Variants in NELL1 observed in about 807,000 individuals in gnomAD.
NELL1 encodes protein kinase C-binding protein NELL1.
In NELL1, 76 loss-of-function variants were observed where a neutral mutation model predicts 107.4. The ratio of observed to expected loss-of-function variants is 0.71; its 90% CI spans 0.59 to 0.86. The LOEUF (loss-of-function observed/expected upper bound fraction) is 0.86. NELL1 is among the 40% of genes least tolerant of loss of function. NELL1 has a pLI of 0.00. For synonymous variants in NELL1, 353 were observed against 341.2 expected, an observed-to-expected ratio of 1.03 and a Z score of -0.38; for missense variants, 1,024 against 1,005.5, an observed-to-expected ratio of 1.02 and a Z score of -0.25.
chr11:21,564,744 T>G (rs1485568106), intron 17 of NELL1, among the ~76,000 whole-genome samples: 1 of 151,860 alleles, frequency 6.6e-6, no homozygotes, highest in African/African-American at 2.4e-5. Context: ...TAGCCAGTAT[T>G]TATGGTATAA....
Position 21,573,324 on chromosome 11 carries a change from C to T in NELL1, c.2297C>T (p.Thr766Ile). The T allele has an allele frequency of 1.2e-6, 2 of 1,612,538 alleles. No individual in the cohort carries two copies. The highest frequency in any genetic ancestry group is 2.2e-5 in the East Asian group (1 of 44,762). The change falls in exon 19 of 20, where the codon ACT becomes ATT. Residue 766 changes from threonine (T) to isoleucine (I), a missense_variant. Physicochemically the swap from Thr to Ile is moderately conservative, Grantham distance 89 (BLOSUM62 -1). Transcript: ENST00000357134. Reference protein sequence around the residue: ...ADNITYDIRKTCLDSYGVSRL... With the variant: ...ADNITYDIRKICLDSYGVSRL... ...AACATCACCTATGACATCAGAAAAA[C>T]TTGCCTGGACAGCTATGGTGTTTCA...
chr11:20,689,524 G>T (rs1460787438), intron 2 of NELL1, among the ~76,000 whole-genome samples: 3 of 145,452 alleles, frequency 2.1e-5, no homozygotes, highest in Non-Finnish European at 4.5e-5. Context: ...CTATGAGTGA[G>T]AACATGCGGT....
intron 12 of NELL1, among the ~76,000 whole-genome samples, chr11:21,052,190 T>C (rs1853509226): frequency 6.6e-6 from 1 of 151,870 alleles, no homozygotes; most frequent in South Asian, 2.1e-4. Context: ...GTCTGGAGTG[T>C]GGTGAGATGG....
At chr11:21,010,331 T>A (rs1254303153) in intron 12 of NELL1, among the ~76,000 whole-genome samples, 1 of 152,014 alleles carries the variant, frequency 6.6e-6, no homozygotes, top group Non-Finnish European at 1.5e-5. Context: ...GCCTTTCTCT[T>A]ATAGTGAGGA....
chr11:21,455,579 C>T (rs1853707495), intron 15 of NELL1, among the ~76,000 whole-genome samples: 1 of 151,986 alleles, frequency 6.6e-6, no homozygotes, highest in Non-Finnish European at 1.5e-5. Context: ...AGCAACCCTC[C>T]CACCTTGGCT....
intron 15 of NELL1, among the ~76,000 whole-genome samples, chr11:21,439,460 T>C (rs1300992724): frequency 1.3e-5 from 2 of 152,138 alleles, no homozygotes; most frequent in African/African-American, 2.4e-5. Flanking sequence ...ACTGGAACAG[T>C]GTCTACAGAT....
intron 14 of NELL1, among the ~76,000 whole-genome samples, chr11:21,362,468 C>G (rs1851099422): frequency 6.6e-6 from 1 of 152,154 alleles, no homozygotes; most frequent in Admixed American, 6.5e-5. Flanking sequence ...TTCTTGAATG[C>G]TGGTTATACT....
At chr11:20,979,893 A>G (rs560139279) in intron 12 of NELL1, among the ~76,000 whole-genome samples, 10 of 152,196 alleles carry the variant, frequency 6.6e-5, no homozygotes, top group African/African-American at 2.2e-4. Flanking sequence ...TCTGTACCCC[A>G]TTTATCATTT....
intron 12 of NELL1, among the ~76,000 whole-genome samples, chr11:21,035,865 G>A (rs979343443): frequency 6.6e-6 from 1 of 152,134 alleles, no homozygotes; most frequent in Admixed American, 6.6e-5. Context: ...ATTCAACATA[G>A]TATTGGAAGT....
At chr11:21,530,438 C>T (rs1325678498) in intron 15 of NELL1, among the ~76,000 whole-genome samples, 1 of 152,106 alleles carries the variant, frequency 6.6e-6, no homozygotes, top group African/African-American at 2.4e-5. Flanking sequence ...AGGAAATTCA[C>T]CATATGCCCC....
At position 20,913,071 on chromosome 11, in the gene NELL1, C is replaced by T. The variant is rs139641822; in HGVS notation, c.604-5111C>T. 1.1e-3 allele frequency among the ~76,000 whole-genome samples: 170 copies of T among 152,200 alleles called. 1 individual carries two copies. Among genetic ancestry groups the T allele is most frequent in the African/African-American group, 3.8e-3 (156 of 41,552 alleles). ...TTTGCATGCTGGAATATTTTATTAACGTCTTCAGGGCAGAAGTACATGATT... is the reference window on the plus strand; with the variant it reads ...TTTGCATGCTGGAATATTTTATTAATGTCTTCAGGGCAGAAGTACATGATT... On this transcript the variant is annotated intron_variant, in intron 5 of 19. Coordinates refer to ENST00000357134, the MANE Select transcript of NELL1 (RefSeq NM_006157.5).
At chr11:21,336,144 G>C (rs1190012437) in intron 14 of NELL1, among the ~76,000 whole-genome samples, 1 of 151,716 alleles carries the variant, frequency 6.6e-6, no homozygotes, top group African/African-American at 2.4e-5. Context: ...ACTTTCTCAG[G>C]CTATGACATT....
intron 11 of NELL1, among the ~76,000 whole-genome samples, chr11:20,959,760 C>T (rs184976102): frequency 9.9e-5 from 15 of 152,158 alleles, no homozygotes; most frequent in African/African-American, 1.2e-4. Context: ...CACAAATCAC[C>T]GCTAAAGAAC....
At chr11:21,243,202 T>A (rs35696005) in intron 14 of NELL1, among the ~76,000 whole-genome samples, 9,318 of 152,294 alleles carry the variant, frequency 0.061, 373 homozygotes, top group Non-Finnish European at 0.096. Context: ...TAATTTATTT[T>A]AGATTTTTAT....
intron 3 of NELL1, among the ~76,000 whole-genome samples, chr11:20,795,489 ATTTAATG>A (rs1163157111): frequency 5.3e-5 from 8 of 152,244 alleles, no homozygotes; most frequent in African/African-American, 1.9e-4. Flanking sequence ...GACATTGCAG[ATTTAATG>A]TTTATTTTTT....
intron 3 of NELL1, among the ~76,000 whole-genome samples, chr11:20,831,091 A>T (rs1292090956): frequency 6.6e-6 from 1 of 152,202 alleles, no homozygotes; most frequent in Non-Finnish European, 1.5e-5. Context: ...AACTCCACTG[A>T]ACATGTGAGT....
intron 10 of NELL1, among the ~76,000 whole-genome samples, chr11:20,938,880 A>G (rs1850781849): frequency 6.7e-6 from 1 of 149,120 alleles, no homozygotes; most frequent in Non-Finnish European, 1.5e-5. Context: ...GGAGATGAGA[A>G]TTCATTGAAG....
At chr11:21,181,479 G>C (rs1856825109) in intron 13 of NELL1, among the ~76,000 whole-genome samples, 1 of 151,926 alleles carries the variant, frequency 6.6e-6, no homozygotes, top group Admixed American at 6.6e-5. Context: ...CACAGTCTCA[G>C]AGGTGGGGCA....
chr11:21,431,853 T>C (rs892619512), intron 15 of NELL1, among the ~76,000 whole-genome samples: 1 of 152,148 alleles, frequency 6.6e-6, no homozygotes, highest in African/African-American at 2.4e-5. Flanking sequence ...AGGAGTAAAG[T>C]TAAGCATGTA....
Sources: gnomAD v4.1 joint callset for allele counts (sites outside exome capture counted in the v4.1 genomes callset) on GRCh38, gnomAD v4.1.1 for gene constraint, MANE v1.5 for transcripts, NCBI Gene and HGNC (gene_info 2026-07-23, HGNC 2026-07-21) for gene names.